SNX30: variants seen among roughly 807,000 people sequenced by gnomAD.
SNX30 encodes sorting nexin family member 30.
SNX30 carries 24 observed loss-of-function variants against 46.4 expected under a neutral mutation model. The ratio of observed to expected loss-of-function variants is 0.52; its 90% CI spans 0.37 to 0.73. The LOEUF (loss-of-function observed/expected upper bound fraction) is 0.73. Ranked by LOEUF, SNX30 falls within the 30% of genes least tolerant of loss-of-function variation. The probability of loss-of-function intolerance (pLI) is 0.00; values close to 1 mark genes in which losing one functional copy is unlikely to be tolerated. For missense variants in SNX30, 533 were observed against 555.7 expected, an observed-to-expected ratio of 0.96 and a Z score of 0.41; for synonymous variants, 189 against 211.5, an observed-to-expected ratio of 0.89 and a Z score of 0.92.
chr9:112,797,751 C>T lies in SNX30; in HGVS notation c.157-7025C>T, dbSNP rs1194139264. Among the ~76,000 whole-genome samples the T allele has an allele frequency of 2.0e-5, 3 of 146,694 alleles. No individual in the cohort carries two copies. In the East Asian group the frequency reaches 5.9e-4, roughly 29 times the overall value. ...TTGAGATGGAGTCTTGCTCTGTCGC[C>T]CAGACTGGAGTGCAGTGGCATGATC... On this transcript the variant is annotated intron_variant, in intron 1 of 8. Transcript: ENST00000374232.
chr9:112,807,415 T>C (rs1030569804), intron 2 of SNX30, among the ~76,000 whole-genome samples: 3 of 152,174 alleles, frequency 2.0e-5, no homozygotes, highest in African/African-American at 7.2e-5. Flanking sequence ...TATGTCTATG[T>C]AAGTACGTGT....
intron 2 of SNX30, among the ~76,000 whole-genome samples, chr9:112,814,715 G>C (rs918987757): frequency 2.0e-5 from 3 of 152,172 alleles, no homozygotes; most frequent in African/African-American, 7.2e-5. Flanking sequence ...TAGTTCCTGA[G>C]AATACGTGGT....
chr9:112,764,681 TG>T (rs1162053508), intron 1 of SNX30, among the ~76,000 whole-genome samples: 1 of 152,024 alleles, frequency 6.6e-6, no homozygotes, highest in African/African-American at 2.4e-5. Flanking sequence ...GCTGTTGCAG[TG>T]GGAGGTTGGG....
At chr9:112,868,378 T>A (rs2131516297) in intron 8 of SNX30, among the ~76,000 whole-genome samples, 1 of 152,270 alleles carries the variant, frequency 6.6e-6, no homozygotes, top group Admixed American at 6.5e-5. Context: ...ATGATTTCCA[T>A]CCTGCATAAG....
chr9:112,761,699 C>T (rs1302763757), intron 1 of SNX30, among the ~76,000 whole-genome samples: 3 of 152,094 alleles, frequency 2.0e-5, no homozygotes, highest in Non-Finnish European at 2.9e-5. Flanking sequence ...GGGCGCAGAC[C>T]GGGAAGCACA....
chr9:112,757,589 A>G (rs1839370854), intron 1 of SNX30, among the ~76,000 whole-genome samples: 1 of 152,184 alleles, frequency 6.6e-6, no homozygotes, highest in Non-Finnish European at 1.5e-5. Flanking sequence ...TGTTTTCCAT[A>G]ATGGCTGTAC....
At chr9:112,763,199 G>T (rs1839472399) in intron 1 of SNX30, among the ~76,000 whole-genome samples, 1 of 151,666 alleles carries the variant, frequency 6.6e-6, no homozygotes, top group African/African-American at 2.4e-5. Context: ...ATGGGGCCTT[G>T]CTCTGTTGCC....
chr9:112,777,227 G>T (rs1322929706), intron 1 of SNX30, among the ~76,000 whole-genome samples: 2 of 151,790 alleles, frequency 1.3e-5, no homozygotes, highest in Non-Finnish European at 2.9e-5. Flanking sequence ...TTTTTAATGG[G>T]TTTATTTTTA....
chr9:112,832,034 G>A (rs1025012752), intron 4 of SNX30, among the ~76,000 whole-genome samples: 2 of 152,154 alleles, frequency 1.3e-5, no homozygotes, highest in African/African-American at 4.8e-5. Flanking sequence ...AACATTAGGT[G>A]ACATTAAAGA....
At chr9:112,820,232 AT>A (rs141902455) in intron 3 of SNX30, among the ~76,000 whole-genome samples, 3 of 150,532 alleles carry the variant, frequency 2.0e-5, no homozygotes, top group Admixed American at 1.3e-4. Context: ...CAGAAACTTA[AT>A]TTTTTTTCAT....
At chr9:112,749,970 G>A (rs563422634), upstream of SNX30, among the ~76,000 whole-genome samples, 3 of 152,324 alleles carry the variant, frequency 2.0e-5, no homozygotes, top group African/African-American at 7.2e-5. Context: ...CCAAAGGGCT[G>A]GAAGTAACAC....
intron 1 of SNX30, among the ~76,000 whole-genome samples, chr9:112,787,348 T>C (rs1588115798): frequency 6.6e-6 from 1 of 152,170 alleles, no homozygotes; most frequent in South Asian, 2.1e-4. Flanking sequence ...TATTTGAATG[T>C]AGTCACACGT....
chr9:112,826,054 C>T (rs1247999082), intron 3 of SNX30, among the ~76,000 whole-genome samples: 1 of 152,142 alleles, frequency 6.6e-6, no homozygotes, highest in African/African-American at 2.4e-5. Context: ...GAATGGACCC[C>T]TATTGTAGAA....
At chr9:112,809,878 T>G (rs914293688) in intron 2 of SNX30, among the ~76,000 whole-genome samples, 31 of 152,030 alleles carry the variant, frequency 2.0e-4, no homozygotes, top group African/African-American at 5.8e-4. Context: ...CTTTTTTTTT[T>G]GGACTGCTGC....
intron 8 of SNX30, among the ~76,000 whole-genome samples, chr9:112,864,832 CA>C (rs1179330218): frequency 6.6e-6 from 1 of 152,082 alleles, no homozygotes; most frequent in Non-Finnish European, 1.5e-5. Flanking sequence ...GACCCCTCAC[CA>C]AAATACTGTG....
At position 112,771,591 on chromosome 9, in the gene SNX30, C is replaced by T. The variant is rs184249253; in HGVS notation, c.156+20434C>T. 1.5e-3 allele frequency among the ~76,000 whole-genome samples: 235 copies of T among 152,246 alleles called. 3 individuals are homozygous for T. The South Asian group carries it at 0.027, about 17-fold the overall frequency. On this transcript the variant is annotated intron_variant, in intron 1 of 8. Coordinates refer to ENST00000374232, the MANE Select transcript of SNX30 (RefSeq NM_001012994.2). ...CCAGCCTTCAAGAGTATAGTCTCCC[C>T]GGGTGGCTATTTGACCAAATTAGGG...
chr9:112,848,264 C>G (rs946123667), intron 6 of SNX30, among the ~76,000 whole-genome samples: 18 of 152,020 alleles, frequency 1.2e-4, no homozygotes, highest in African/African-American at 4.3e-4. Flanking sequence ...CTCTTTACCC[C>G]ACTGCCGGCT....
At chr9:112,808,055 C>G (rs1840258333) in intron 2 of SNX30, among the ~76,000 whole-genome samples, 1 of 152,154 alleles carries the variant, frequency 6.6e-6, no homozygotes, top group Non-Finnish European at 1.5e-5. Flanking sequence ...CTAATAGTGA[C>G]ACCAGGTTTA....
At chr9:112,834,882 A>ACACACACACACCCC (rs56385707) in intron 4 of SNX30, among the ~76,000 whole-genome samples, 3 of 105,248 alleles carry the variant, frequency 2.9e-5, no homozygotes, top group South Asian at 5.7e-4. Context: ...ACACACACAC[A>ACACACACACACCCC]CCTACCTCAA....
Sources: gnomAD v4.1 joint callset for allele counts (sites outside exome capture counted in the v4.1 genomes callset) on GRCh38, gnomAD v4.1.1 for gene constraint, MANE v1.5 for transcripts, NCBI Gene and HGNC (gene_info 2026-07-23, HGNC 2026-07-21) for gene names.